EGFLAM: variants seen among roughly 807,000 people sequenced by gnomAD.
The protein encoded by EGFLAM is pikachurin.
A neutral mutation model predicts 113.1 loss-of-function variants in EGFLAM; 79 were observed. The ratio of observed to expected loss-of-function variants is 0.70; its 90% confidence interval spans 0.58 to 0.84. EGFLAM has a LOEUF of 0.84. EGFLAM is among the 40% of genes least tolerant of loss of function. The probability of loss-of-function intolerance (pLI) is 0.00; values close to 1 mark genes in which losing one functional copy is unlikely to be tolerated. For missense variants in EGFLAM, 1,265 were observed against 1,291.6 expected, an observed-to-expected ratio of 0.98 and a Z score of 0.32; for synonymous variants, 504 against 487.6, an observed-to-expected ratio of 1.03 and a Z score of -0.44.
chr5:38,422,278 T>C (rs1438075926), intron 12 of EGFLAM, among the ~76,000 whole-genome samples: 1 of 152,066 alleles, frequency 6.6e-6, no homozygotes, highest in Admixed American at 6.5e-5. Flanking sequence ...GATAATGAGG[T>C]CTGTGTATAC....
At chr5:38,369,627 A>C in intron 5 of EGFLAM, among the ~76,000 whole-genome samples, 1 of 152,222 alleles carries the variant, frequency 6.6e-6, no homozygotes, top group East Asian at 1.9e-4. Flanking sequence ...TGAGTCTTAA[A>C]GGAATTAAGT....
In EGFLAM at chr5:38,428,065, G is replaced by A. The variant is rs116013481; in HGVS notation, c.2054+813G>A. Among the ~76,000 whole-genome samples the A allele has an allele frequency of 9.8e-3, 1,488 of 152,268 alleles. 25 individuals are homozygous for A. Among genetic ancestry groups the A allele is most frequent in the African/African-American group, 0.033 (1,378 of 41,532 alleles). ...CTTCAAGCCAGAGGGGCCACTAATCGCATGCAGACATGCTTCTTGTTCCTA... is the reference window on the plus strand; with the variant it reads ...CTTCAAGCCAGAGGGGCCACTAATCACATGCAGACATGCTTCTTGTTCCTA... On this transcript the variant is annotated intron_variant, in intron 14 of 21. Coordinates refer to ENST00000322350, the MANE Select transcript of EGFLAM (RefSeq NM_152403.4).
chr5:38,396,502 C>T lies in EGFLAM; in HGVS notation c.713-9624C>T, dbSNP rs371572673. On this transcript the variant is annotated intron_variant, in intron 6 of 21. Transcript: ENST00000322350. ...GCAGAGCACCCTGCAAGATTTGGCT[C>T]GTATAGAAAACATTCACTCACTCAT... Among the ~76,000 whole-genome samples the T allele has an allele frequency of 4.3e-4, 66 of 152,332 alleles. No individual in the cohort carries two copies. The East Asian group carries it at 5.8e-3, about 13-fold the overall frequency.
intron 1 of EGFLAM, among the ~76,000 whole-genome samples, chr5:38,289,276 C>CCG (rs1554045474): frequency 6.7e-6 from 1 of 149,870 alleles, no homozygotes; most frequent in Admixed American, 6.6e-5. Context: ...TCTTTCCCCG[C>CCG]CCCCACATTT....
At chr5:38,370,233 C>A in intron 5 of EGFLAM, 63 bp from the exon 6 acceptor site, 2 of 1,548,632 alleles carry the variant, frequency 1.3e-6, no homozygotes, top group Non-Finnish European at 8.8e-7. Context: ...ACATAGCCAG[C>A]TAGCTTCCCT....
At chr5:38,320,690 C>T (rs1738716207) in intron 1 of EGFLAM, among the ~76,000 whole-genome samples, 1 of 151,942 alleles carries the variant, frequency 6.6e-6, no homozygotes, top group Admixed American at 6.6e-5. Context: ...TCCTGCTTGC[C>T]TTCTTAGATG....
At chr5:38,410,751 C>T (rs1741452601) in intron 10 of EGFLAM, among the ~76,000 whole-genome samples, 1 of 152,220 alleles carries the variant, frequency 6.6e-6, no homozygotes, top group African/African-American at 2.4e-5. Flanking sequence ...TCTCACCTCA[C>T]TGCTGAGCCT....
chr5:38,451,958 C>T (rs1579952455), intron 19 of EGFLAM, among the ~76,000 whole-genome samples: 1 of 145,218 alleles, frequency 6.9e-6, no homozygotes, highest in African/African-American at 2.6e-5. Context: ...CGCTACTGCA[C>T]TCCAGCCTGG....
intron 13 of EGFLAM, among the ~76,000 whole-genome samples, chr5:38,425,319 C>T (rs1741965785): frequency 6.6e-6 from 1 of 152,094 alleles, no homozygotes; most frequent in Non-Finnish European, 1.5e-5. Context: ...GCTGGAACTA[C>T]AGGCGCCCAG....
Position 38,379,376 on chromosome 5 carries a change from C to T in EGFLAM, c.712+8914C>T, listed in dbSNP as rs752532202. Among the ~76,000 whole-genome samples the T allele has an allele frequency of 1.3e-4, 20 of 151,498 alleles. 1 individual carries two copies. The highest frequency in any genetic ancestry group is 1.9e-4 in the Non-Finnish European group (13 of 67,958). The stretch of plus-strand genomic sequence containing the variant: ...AAGCTTATAGACAGGGGAGGAAGGA[C>T]GCAGAGAACACAGGAGAGAGTAAAT... On this transcript the variant is annotated intron_variant, in intron 6 of 21. Coordinates refer to ENST00000322350, the MANE Select transcript of EGFLAM (RefSeq NM_152403.4).
chr5:38,456,100 C>T (rs772298994), intron 19 of EGFLAM, among the ~76,000 whole-genome samples: 10 of 152,154 alleles, frequency 6.6e-5, no homozygotes, highest in Non-Finnish European at 1.0e-4. Context: ...TTGTCAACCC[C>T]GTATCCAAGC....
At chr5:38,413,507 T>A (rs1257585424) in intron 11 of EGFLAM, among the ~76,000 whole-genome samples, 1 of 152,012 alleles carries the variant, frequency 6.6e-6, no homozygotes, top group Non-Finnish European at 1.5e-5. Context: ...AAAGTTGGAC[T>A]GTTGGGCTAC....
chr5:38,422,956 T>A (rs539232195), intron 12 of EGFLAM, among the ~76,000 whole-genome samples: 1 of 152,338 alleles, frequency 6.6e-6, no homozygotes, highest in South Asian at 2.1e-4. Context: ...ACAGGTGCCA[T>A]GCCTTGTGTG....
chr5:38,456,363 G>C (rs1028470012), intron 19 of EGFLAM, among the ~76,000 whole-genome samples: 2 of 152,160 alleles, frequency 1.3e-5, no homozygotes, highest in Non-Finnish European at 2.9e-5. Context: ...ACCCCACGCT[G>C]CCTCTCAGAA....
intron 1 of EGFLAM, among the ~76,000 whole-genome samples, chr5:38,271,228 A>C (rs1757756675): frequency 6.6e-6 from 1 of 152,214 alleles, no homozygotes; most frequent in Non-Finnish European, 1.5e-5. Context: ...ACCTTGAAAG[A>C]CATCATTTGC....
intron 6 of EGFLAM, among the ~76,000 whole-genome samples, chr5:38,375,067 T>G (rs1486856402): frequency 6.6e-6 from 1 of 151,544 alleles, no homozygotes; most frequent in African/African-American, 2.4e-5. Context: ...GTTGTTTTTT[T>G]TTTTTTTTTT....
chr5:38,311,507 T>C (rs938569270), intron 1 of EGFLAM, among the ~76,000 whole-genome samples: 6 of 152,362 alleles, frequency 3.9e-5, no homozygotes, highest in Non-Finnish European at 8.8e-5. Flanking sequence ...TCCATGCTGT[T>C]GCAAATAACA....
At chr5:38,270,045 C>T (rs1026903696) in intron 1 of EGFLAM, among the ~76,000 whole-genome samples, 6 of 152,202 alleles carry the variant, frequency 3.9e-5, no homozygotes, top group South Asian at 2.1e-4. Flanking sequence ...CAAGAAGACA[C>T]GCTCTTCAAC....
intron 2 of EGFLAM, 62 bp from the exon 3 acceptor site, chr5:38,338,636 C>A: frequency 6.6e-7 from 1 of 1,524,392 alleles, no homozygotes; most frequent in Non-Finnish European, 9.1e-7. Flanking sequence ...AGTGCAATTA[C>A]AACCTTTGAT....
Sources: gnomAD v4.1 joint callset for allele counts (sites outside exome capture counted in the v4.1 genomes callset) on GRCh38, gnomAD v4.1.1 for gene constraint, MANE v1.5 for transcripts, NCBI Gene and HGNC (gene_info 2026-07-23, HGNC 2026-07-21) for gene names.